The following INPP4B variants were observed in gnomAD, a reference collection of about 807,000 sequenced individuals.
The protein encoded by INPP4B is inositol polyphosphate-4-phosphatase type II B, also known as inositol polyphosphate 4-phosphatase type II.
Under a neutral mutation model 122.5 loss-of-function variants are expected in INPP4B, and 55 were observed. That is an observed-to-expected ratio of 0.45 (90% CI 0.36 to 0.56). The LOEUF is 0.56. INPP4B is among the 20% of genes least tolerant of loss of function. The pLI is 0.00. For synonymous variants in INPP4B, 403 were observed against 388.7 expected, an observed-to-expected ratio of 1.04 and a Z score of -0.43; for missense variants, 1,000 against 1,097.7, an observed-to-expected ratio of 0.91 and a Z score of 1.26.
intron 2 of INPP4B, among the ~76,000 whole-genome samples, chr4:142,632,691 G>T (rs1329640513): frequency 6.6e-6 from 1 of 151,576 alleles, no homozygotes; most frequent in East Asian, 1.9e-4. Context: ...ATACTAAAAG[G>T]CAAAATAAAT....
chr4:142,692,685 G>A (rs927764325), intron 2 of INPP4B, among the ~76,000 whole-genome samples: 3 of 152,178 alleles, frequency 2.0e-5, no homozygotes, highest in Admixed American at 6.6e-5. Flanking sequence ...GAAGAACAAC[G>A]GAGACACTCC....
intron 1 of INPP4B, among the ~76,000 whole-genome samples, chr4:142,729,027 G>A (rs1765710454): frequency 1.3e-5 from 2 of 152,100 alleles, no homozygotes; most frequent in Admixed American, 1.3e-4. Flanking sequence ...TAAAGATGGG[G>A]GAGGTGGAAT....
intron 1 of INPP4B, among the ~76,000 whole-genome samples, chr4:142,736,484 T>G (rs1361547171): frequency 6.6e-6 from 1 of 152,168 alleles, no homozygotes; most frequent in Non-Finnish European, 1.5e-5. Flanking sequence ...TGTGCAGTGG[T>G]TTGTAGTTCT....
chr4:142,557,867 G>T (rs1413714020), intron 2 of INPP4B, among the ~76,000 whole-genome samples: 3 of 152,110 alleles, frequency 2.0e-5, no homozygotes, highest in African/African-American at 7.2e-5. Context: ...CTATCTATGG[G>T]CTCATTCACC....
chr4:142,783,802 T>C (rs758403474), intron 1 of INPP4B, among the ~76,000 whole-genome samples: 4 of 152,102 alleles, frequency 2.6e-5, no homozygotes, highest in Non-Finnish European at 4.4e-5. Flanking sequence ...ATTATTGAGG[T>C]GGGTTAAGCA....
intron 5 of INPP4B, among the ~76,000 whole-genome samples, chr4:142,410,335 C>T (rs1160822622): frequency 6.6e-6 from 1 of 152,202 alleles, no homozygotes; most frequent in Non-Finnish European, 1.5e-5. Context: ...CCCCAAGTGA[C>T]CATCTCTTTC....
rs78640615 is a variant in INPP4B at position 142,604,719 on chromosome 4, C to T, written c.-191+121120G>A. Among the ~76,000 whole-genome samples the T allele has an allele frequency of 3.2e-3, 481 of 151,840 alleles. 2 individuals carry two copies. Among genetic ancestry groups the T allele is most frequent in the East Asian group, 0.012 (62 of 5,168 alleles). Reference sequence around the variant, plus strand: ...AAAACACTGATGAAAGAAATTGAAGCGAACGTAAACAAATAGAAAGACATC... The same window carrying T: ...AAAACACTGATGAAAGAAATTGAAGTGAACGTAAACAAATAGAAAGACATC... On this transcript the variant is annotated intron_variant, in intron 2 of 25. Coordinates refer to ENST00000262992, the MANE Select transcript of INPP4B (RefSeq NM_001101669.3).
chr4:142,497,284 A>C (rs1163198529), intron 2 of INPP4B, among the ~76,000 whole-genome samples: 1 of 152,182 alleles, frequency 6.6e-6, no homozygotes, highest in Non-Finnish European at 1.5e-5. Flanking sequence ...CACGAAAATT[A>C]TTAGAATAAC....
At chr4:142,250,069 A>G (rs1731176151) in intron 11 of INPP4B, among the ~76,000 whole-genome samples, 3 of 152,250 alleles carry the variant, frequency 2.0e-5, no homozygotes, top group South Asian at 4.1e-4. Context: ...CATGTTTATT[A>G]CATACTGTGT....
chr4:142,603,169 G>A (rs1315387778), intron 2 of INPP4B, among the ~76,000 whole-genome samples: 3 of 152,084 alleles, frequency 2.0e-5, no homozygotes, highest in Non-Finnish European at 2.9e-5. Flanking sequence ...ATAAGTGGGA[G>A]CTGAATGATG....
intron 5 of INPP4B, among the ~76,000 whole-genome samples, chr4:142,415,435 C>T (rs939263536): frequency 6.6e-6 from 1 of 151,748 alleles, no homozygotes; most frequent in Non-Finnish European, 1.5e-5. Flanking sequence ...CAGAGAAATG[C>T]AAATCAAAAC....
At chr4:142,508,845 G>A (rs954314415) in intron 2 of INPP4B, among the ~76,000 whole-genome samples, 6 of 152,126 alleles carry the variant, frequency 3.9e-5, no homozygotes, top group African/African-American at 1.4e-4. Flanking sequence ...GTAAAGTCTA[G>A]GGATGCTGTT....
At chr4:142,324,186 C>T (rs1302182349) in intron 7 of INPP4B, among the ~76,000 whole-genome samples, 1 of 152,142 alleles carries the variant, frequency 6.6e-6, no homozygotes, top group African/African-American at 2.4e-5. Context: ...AGGAGAGAGG[C>T]TTTGGAGAAG....
chr4:142,541,652 T>C (rs948012879), intron 2 of INPP4B, among the ~76,000 whole-genome samples: 1 of 152,212 alleles, frequency 6.6e-6, no homozygotes, highest in Admixed American at 6.5e-5. Flanking sequence ...GTGAGTAAGA[T>C]GCTAGGCTTT....
At chr4:142,505,239 T>C (rs901017230) in intron 2 of INPP4B, among the ~76,000 whole-genome samples, 1 of 147,820 alleles carries the variant, frequency 6.8e-6, no homozygotes, top group Non-Finnish European at 1.5e-5. Flanking sequence ...ACTCTGTCTA[T>C]TAAAAAAAAA....
chr4:142,812,925 C>T (rs747204747), intron 1 of INPP4B, among the ~76,000 whole-genome samples: 1 of 151,998 alleles, frequency 6.6e-6, no homozygotes, highest in Non-Finnish European at 1.5e-5. Context: ...CCTTTAGATG[C>T]CAAAAAATAA....
rs189987449 is a variant in INPP4B, at chr4:142,029,748, C to G, written c.2643-834G>C. The G allele has an allele frequency of 4.3e-3, 4,292 of 995,288 alleles. 12 individuals are homozygous for G. Among genetic ancestry groups the G allele is most frequent in the South Asian group, 9.4e-3 (209 of 22,288 alleles). The allele number at this position is 995,288 out of a possible 1,614,324, so 61.7% of individuals were successfully genotyped here. A position where few individuals can be genotyped will look rare whatever the true frequency, so the allele number is the denominator to read the frequency against. Reference sequence around the variant, plus strand: ...ATAAAGTCTGCAACCTCCCACATCTCTAGAACTTGTCTCAGGGTTTCAGTG... The same window carrying G: ...ATAAAGTCTGCAACCTCCCACATCTGTAGAACTTGTCTCAGGGTTTCAGTG... On this transcript the variant is annotated intron_variant, in intron 25 of 25. Transcript: ENST00000262992.
chr4:142,587,033 TG>T (rs1298069581), intron 2 of INPP4B, among the ~76,000 whole-genome samples: 18 of 152,114 alleles, frequency 1.2e-4, no homozygotes, highest in African/African-American at 4.3e-4. Flanking sequence ...ATTTTCAAAA[TG>T]GGGAGGCTTT....
chr4:142,751,466 C>G (rs774931460), intron 1 of INPP4B, among the ~76,000 whole-genome samples: 4 of 148,232 alleles, frequency 2.7e-5, no homozygotes, highest in Non-Finnish European at 6.0e-5. Flanking sequence ...ATAAAAGCAT[C>G]TCCTAACACA....
Sources: allele counts gnomAD v4.1 joint callset (sites outside exome capture counted in the v4.1 genomes callset), GRCh38; gene constraint gnomAD v4.1.1; transcripts MANE v1.5; gene names NCBI Gene and HGNC (gene_info 2026-07-23, HGNC 2026-07-21).